ZNF521: variants seen among roughly 807,000 people sequenced by gnomAD.
The protein encoded by ZNF521 is LYST-interacting protein 3.
In ZNF521, 14 loss-of-function variants were observed where a neutral mutation model predicts 105.5. That is an observed-to-expected ratio of 0.13 (90% CI 0.09 to 0.21). ZNF521 has a LOEUF of 0.21. ZNF521 is among the 10% of genes least tolerant of loss of function. The pLI, the probability that ZNF521 is intolerant of heterozygous loss-of-function variation, is 1.00. For missense variants in ZNF521, 1,233 were observed against 1,629.7 expected (o/e 0.76, Z 4.19); for synonymous variants, 635 against 606.0 (o/e 1.05, Z -0.70).
At chr18:25,065,602 A>T (rs2033036417) in intron 7 of ZNF521, among the ~76,000 whole-genome samples, 2 of 152,144 alleles carry the variant, frequency 1.3e-5, no homozygotes, top group Non-Finnish European at 2.9e-5. Flanking sequence ...TAGGACTCTG[A>T]CAGAAAGATG....
intron 3 of ZNF521, among the ~76,000 whole-genome samples, chr18:25,318,817 G>T (rs1912776934): frequency 6.6e-6 from 1 of 152,066 alleles, no homozygotes; most frequent in African/African-American, 2.4e-5. Flanking sequence ...ATTATAGTAA[G>T]TATGCATGTA....
At chr18:25,228,598 T>C (rs1212576806) in intron 3 of ZNF521, among the ~76,000 whole-genome samples, 1 of 152,256 alleles carries the variant, frequency 6.6e-6, no homozygotes, top group East Asian at 1.9e-4. Flanking sequence ...CACTTTGAGG[T>C]GAGCAGAGAC....
At chr18:25,303,140 A>C (rs553844412) in intron 3 of ZNF521, among the ~76,000 whole-genome samples, 120 of 152,280 alleles carry the variant, frequency 7.9e-4, no homozygotes, top group African/African-American at 2.8e-3. Flanking sequence ...TGACAATGGC[A>C]GTCATGTGCT....
At chr18:25,300,211 C>T (rs907765681) in intron 3 of ZNF521, among the ~76,000 whole-genome samples, 1 of 152,172 alleles carries the variant, frequency 6.6e-6, no homozygotes, top group African/African-American at 2.4e-5. Context: ...CAGCCAGCAC[C>T]AGCCATGTGA....
At chr18:25,168,517 C>A (rs1424556838) in intron 5 of ZNF521, among the ~76,000 whole-genome samples, 1 of 152,152 alleles carries the variant, frequency 6.6e-6, no homozygotes, top group Non-Finnish European at 1.5e-5. Context: ...AGGAGAGGCA[C>A]AGACTTCCCA....
intron 5 of ZNF521, among the ~76,000 whole-genome samples, chr18:25,152,813 G>A (rs1033439305): frequency 3.3e-5 from 5 of 152,084 alleles, no homozygotes; most frequent in Admixed American, 3.3e-4. Flanking sequence ...CTTCCGTGTT[G>A]TCTTCTATTT....
intron 3 of ZNF521, among the ~76,000 whole-genome samples, chr18:25,267,087 G>C (rs1010187480): frequency 7.2e-5 from 11 of 152,048 alleles, no homozygotes. Context: ...TGAGCTTGGT[G>C]GGGGGAGGGG....
At chr18:25,209,281 G>A (rs149966710) in intron 4 of ZNF521, among the ~76,000 whole-genome samples, 5,465 of 151,896 alleles carry the variant, frequency 0.036, 333 homozygotes, top group African/African-American at 0.12. Context: ...ACAGGCGCGC[G>A]CCACCACACC....
At chr18:25,347,242 G>C (rs1179761861) in intron 2 of ZNF521, among the ~76,000 whole-genome samples, 12 of 151,960 alleles carry the variant, frequency 7.9e-5, no homozygotes, top group African/African-American at 2.9e-4. Flanking sequence ...AATATAAATG[G>C]GGCAGAAAGA....
intron 4 of ZNF521, among the ~76,000 whole-genome samples, chr18:25,217,839 T>C (rs1317876556): frequency 4.6e-5 from 7 of 152,288 alleles, no homozygotes; most frequent in Admixed American, 3.3e-4. Context: ...CACAGGGCAT[T>C]GAGGGGATAG....
In ZNF521 at chr18:25,219,218, T is replaced by C. The variant is rs143666851; in HGVS notation, c.3573+5127A>G. Among the ~76,000 whole-genome samples the C allele has an allele frequency of 1.3e-3, 192 of 152,334 alleles. 1 individual carries two copies. Among genetic ancestry groups the C allele is most frequent in the African/African-American group, 4.1e-3 (171 of 41,572 alleles). ...AGTTAAGTTTTGAGGGAGTCAAAGT[T>C]ATATGCAGATTTTTGACCGAGTGAG... On this transcript the variant is annotated intron_variant, in intron 4 of 7. Coordinates refer to ENST00000361524, the MANE Select transcript of ZNF521 (RefSeq NM_015461.3).
In ZNF521 at chr18:25,227,686, C is replaced by T. The variant is rs1298973408; in HGVS notation, c.232G>A (p.Val78Ile). The T allele has an allele frequency of 6.2e-7, 1 of 1,609,958 alleles. No homozygotes were observed. Among genetic ancestry groups the T allele is most frequent in the Non-Finnish European group, 8.5e-7 (1 of 1,177,718 alleles). The stretch of plus-strand genomic sequence containing the variant: ...CAAGAGCAAGTCGGATCATCTTCAA[C>T]ATCCACTCCATCTGCAACAAGAAGC... ...NQCQLTDGVD[V>I]EDDPTCSWPA... Residue 78 changes from valine to isoleucine, a missense_variant, in exon 4 of 8, where the codon GTT becomes ATT. Transcript: ENST00000361524. This position sits in a 1 kb window ranked among gnomAD's most constrained non-coding sequence, Gnocchi z 5.7.
intron 7 of ZNF521, among the ~76,000 whole-genome samples, chr18:25,080,889 C>G (rs2033478645): frequency 6.6e-6 from 1 of 152,190 alleles, no homozygotes; most frequent in South Asian, 2.1e-4. Context: ...TTCCATGTGC[C>G]TCTCTAGATT....
At chr18:25,273,722 T>C (rs562093536) in intron 3 of ZNF521, 2 of 152,342 alleles carry the variant, frequency 1.3e-5, no homozygotes, top group African/African-American at 4.8e-5. Flanking sequence ...ATATGGATTG[T>C]TCATAAGACA....
chr18:25,139,993 C>A (rs9675761), intron 5 of ZNF521, among the ~76,000 whole-genome samples: 16 of 152,184 alleles, frequency 1.1e-4, no homozygotes, highest in Admixed American at 3.3e-4. Flanking sequence ...ACCAGACACA[C>A]AATCTGCAGG....
intron 5 of ZNF521, among the ~76,000 whole-genome samples, chr18:25,116,390 T>C (rs1485760278): frequency 6.6e-6 from 1 of 152,162 alleles, no homozygotes; most frequent in Non-Finnish European, 1.5e-5. Context: ...AGGGCCATTC[T>C]GGGAATCAGT....
At chr18:25,088,189 C>T (rs2033664593) in intron 7 of ZNF521, among the ~76,000 whole-genome samples, 1 of 151,946 alleles carries the variant, frequency 6.6e-6, no homozygotes, top group Non-Finnish European at 1.5e-5. Context: ...TAATAATACT[C>T]ATAATAACAG....
At chr18:25,282,761 TCCC>T (rs34845245) in intron 3 of ZNF521, among the ~76,000 whole-genome samples, 4 of 151,766 alleles carry the variant, frequency 2.6e-5, no homozygotes, top group Non-Finnish European at 5.9e-5. Flanking sequence ...TGCTTTTTTT[TCCC>T]CCCTTTAGGC....
chr18:25,258,621 A>G (rs1307474912), intron 3 of ZNF521, among the ~76,000 whole-genome samples: 2 of 152,178 alleles, frequency 1.3e-5, no homozygotes, highest in African/African-American at 2.4e-5. Flanking sequence ...AATAGACCAT[A>G]AGGACAGAAG....
Sources: allele counts gnomAD v4.1 joint callset (sites outside exome capture counted in the v4.1 genomes callset), GRCh38; gene constraint gnomAD v4.1.1; non-coding constraint Gnocchi (gnomAD v3.1); transcripts MANE v1.5; gene names NCBI Gene and HGNC (gene_info 2026-07-23, HGNC 2026-07-21).